Variants in FSIP1 observed in about 807,000 individuals in gnomAD.
FSIP1 encodes fibrous sheath interacting protein 1.
Under a neutral mutation model 60.9 loss-of-function variants are expected in FSIP1, and 65 were observed. The observed-to-expected ratio is 1.07, with a 90% confidence interval of 0.87 to 1.31. FSIP1 has a LOEUF of 1.31. FSIP1 is among the 40% of genes most tolerant of loss of function. The probability of loss-of-function intolerance (pLI) is 0.00; values close to 1 mark genes in which losing one functional copy is unlikely to be tolerated. For missense variants in FSIP1, 675 were observed against 665.5 expected, an observed-to-expected ratio of 1.01 and a Z score of -0.16; for synonymous variants, 209 against 221.2, an observed-to-expected ratio of 0.94 and a Z score of 0.49.
intron 9 of FSIP1, among the ~76,000 whole-genome samples, chr15:39,714,779 G>A (rs1295233785): frequency 6.6e-6 from 1 of 150,710 alleles, no homozygotes; most frequent in Non-Finnish European, 1.5e-5. Flanking sequence ...GACCAGCCTG[G>A]GCAACACAGT....
intron 5 of FSIP1, among the ~76,000 whole-genome samples, chr15:39,755,363 C>T (rs1036821306): frequency 6.6e-6 from 1 of 152,028 alleles, no homozygotes; most frequent in East Asian, 1.9e-4. Context: ...CAGGATGAAG[C>T]TTAGAAACAG....
intron 11 of FSIP1, among the ~76,000 whole-genome samples, chr15:39,615,728 CAAAAAA>C (rs35259437): frequency 8.3e-6 from 1 of 119,820 alleles, no homozygotes; most frequent in African/African-American, 3.2e-5. Context: ...ACTAAAAATA[CAAAAAA>C]AAAAAAAAAA....
chr15:39,608,353 G>A (rs533016573), intron 11 of FSIP1, among the ~76,000 whole-genome samples: 1 of 152,174 alleles, frequency 6.6e-6, no homozygotes, highest in South Asian at 2.1e-4. Flanking sequence ...GCTCTACCCA[G>A]TGACAGATAT....
intron 11 of FSIP1, among the ~76,000 whole-genome samples, chr15:39,604,749 A>G (rs552560379): frequency 6.6e-6 from 1 of 152,334 alleles, no homozygotes; most frequent in South Asian, 2.1e-4. Context: ...AACAAATAGT[A>G]ACTATGAGGT....
intron 9 of FSIP1, among the ~76,000 whole-genome samples, chr15:39,725,364 T>C (rs1385824724): frequency 1.3e-5 from 2 of 152,202 alleles, no homozygotes; most frequent in Non-Finnish European, 2.9e-5. Context: ...CCACTACTGC[T>C]GTTTAAAGGG....
At chr15:39,705,791 A>C (rs1480805965) in intron 10 of FSIP1, among the ~76,000 whole-genome samples, 1 of 152,162 alleles carries the variant, frequency 6.6e-6, no homozygotes, top group African/African-American at 2.4e-5. Flanking sequence ...TGAGGTCAGG[A>C]GTTCGAGACC....
chr15:39,649,905 T>C (rs61439563), intron 10 of FSIP1, among the ~76,000 whole-genome samples: 33,687 of 152,086 alleles, frequency 0.22, 5,107 homozygotes, highest in African/African-American at 0.42. Context: ...TAAACACTTA[T>C]TGAGTGCCAG....
chr15:39,731,889 T>A (rs1403066358), intron 8 of FSIP1, among the ~76,000 whole-genome samples: 2 of 152,224 alleles, frequency 1.3e-5, no homozygotes, highest in Non-Finnish European at 2.9e-5. Context: ...CGGGTGCCAT[T>A]CACTGCAAGT....
At chr15:39,632,405 T>G (rs1346803364) in intron 10 of FSIP1, among the ~76,000 whole-genome samples, 9 of 152,152 alleles carry the variant, frequency 5.9e-5, no homozygotes, top group African/African-American at 2.2e-4. Flanking sequence ...CTTGAACTCC[T>G]GAGCTCAAGC....
chr15:39,716,308 T>C (rs1315586199), intron 9 of FSIP1, among the ~76,000 whole-genome samples: 1 of 152,166 alleles, frequency 6.6e-6, no homozygotes, highest in Non-Finnish European at 1.5e-5. Flanking sequence ...TGATTTTTTC[T>C]AAATCTTGGG....
At chr15:39,616,819 T>G (rs779942451) in intron 11 of FSIP1, among the ~76,000 whole-genome samples, 6 of 152,112 alleles carry the variant, frequency 3.9e-5, no homozygotes, top group Non-Finnish European at 5.9e-5. Context: ...AAGAGAGACT[T>G]GAGGCAGGGA....
At chr15:39,779,046 G>A (rs1257173278) in intron 1 of FSIP1, among the ~76,000 whole-genome samples, 1 of 151,970 alleles carries the variant, frequency 6.6e-6, no homozygotes, top group East Asian at 1.9e-4. Flanking sequence ...ACATGAAAAA[G>A]AACTCTAAGT....
intron 9 of FSIP1, among the ~76,000 whole-genome samples, chr15:39,720,028 T>C (rs1409663033): frequency 1.3e-5 from 2 of 152,228 alleles, no homozygotes; most frequent in Non-Finnish European, 2.9e-5. Flanking sequence ...AAGATTTCTG[T>C]GCCTGTGACT....
intron 5 of FSIP1, chr15:39,747,178 C>A (rs1169093781): frequency 6.6e-6 from 1 of 152,060 alleles, no homozygotes; most frequent in African/African-American, 2.4e-5. Context: ...GGAAAGTTTG[C>A]ACTTTAATTT....
downstream of FSIP1, chr15:39,599,131 C>A (rs907032766): frequency 6.6e-6 from 1 of 151,960 alleles, no homozygotes; most frequent in African/African-American, 2.4e-5. Flanking sequence ...CACCTTGTTC[C>A]GGACAAACAC....
intron 5 of FSIP1, among the ~76,000 whole-genome samples, chr15:39,744,777 T>TCACACACA (rs55691651): frequency 0.084 from 11,596 of 137,934 alleles, 773 homozygotes; most frequent in East Asian, 0.22. Flanking sequence ...TCCCCCTCAG[T>TCACACACA]CACACACACA....
chr15:39,644,054 C>G (rs979194719), intron 10 of FSIP1, among the ~76,000 whole-genome samples: 1 of 152,192 alleles, frequency 6.6e-6, no homozygotes, highest in Admixed American at 6.5e-5. Flanking sequence ...TTTTCCTTAG[C>G]TGAAACTCTC....
At chr15:39,773,619 T>C (rs1897959885) in intron 2 of FSIP1, among the ~76,000 whole-genome samples, 1 of 152,248 alleles carries the variant, frequency 6.6e-6, no homozygotes, top group South Asian at 2.1e-4. Flanking sequence ...ACTAATTCTA[T>C]GCTACTCTAA....
chr15:39,634,257 G>A (rs1299107484), intron 10 of FSIP1, among the ~76,000 whole-genome samples: 1 of 151,962 alleles, frequency 6.6e-6, no homozygotes, highest in Non-Finnish European at 1.5e-5. Flanking sequence ...TCCTCTCTCT[G>A]CCCACCACTG....
Sources: gnomAD v4.1 joint callset for allele counts (sites outside exome capture counted in the v4.1 genomes callset) on GRCh38, gnomAD v4.1.1 for gene constraint, MANE v1.5 for transcripts, NCBI Gene and HGNC (gene_info 2026-07-23, HGNC 2026-07-21) for gene names.